The following AOX1 variants were observed in gnomAD, a reference collection of about 807,000 sequenced individuals.
AOX1 encodes aldehyde oxidase 1.
Under a neutral mutation model 169.5 loss-of-function variants are expected in AOX1, and 153 were observed. The ratio of observed to expected loss-of-function variants is 0.90; its 90% CI spans 0.79 to 1.03. The LOEUF (loss-of-function observed/expected upper bound fraction) is 1.03. Ranked by LOEUF, AOX1 falls within the 50% of genes least tolerant of loss-of-function variation. AOX1 has a pLI of 0.00. For missense variants in AOX1, 1,656 were observed against 1,663.9 expected, an observed-to-expected ratio of 1.00 and a Z score of 0.08; for synonymous variants, 562 against 581.9, an observed-to-expected ratio of 0.97 and a Z score of 0.49.
In AOX1 at chr2:200,613,023, T is replaced by TGAGA. The variant is rs1275429098; in HGVS notation, c.1448+231_1448+232insAGAG. Among the ~76,000 whole-genome samples the TGAGA allele has an allele frequency of 7.9e-4, 71 of 90,026 alleles. No homozygotes were observed. In the Middle Eastern group the frequency reaches 0.017, roughly 22 times the overall value. 59.1% of individuals were successfully genotyped at this position (90,026 alleles called of 152,430 possible). A position where few individuals can be genotyped will look rare whatever the true frequency, so the allele number is the denominator to read the frequency against. On this transcript the variant is annotated intron_variant, in intron 14 of 34. Transcript: ENST00000374700. Reference sequence around the variant, plus strand: ...GTGTGCGTGTGTGTGTGTGTGTGTGTGTGTGAGAGAGAGAGAGAGAGACAG... The same window carrying TGAGA: ...GTGTGCGTGTGTGTGTGTGTGTGTGTGAGAGTGTGAGAGAGAGAGAGAGAGACAG...
chr2:200,650,240 A>G (rs999196561), intron 25 of AOX1, among the ~76,000 whole-genome samples: 1 of 152,174 alleles, frequency 6.6e-6, no homozygotes. Flanking sequence ...CAGCCTCTTA[A>G]AAACACCACT....
At chr2:200,674,260 A>C (rs561805242), downstream of AOX1, among the ~76,000 whole-genome samples, 1 of 152,284 alleles carries the variant, frequency 6.6e-6, no homozygotes, top group African/African-American at 2.4e-5. Flanking sequence ...CCAGATATGC[A>C]GTGTTGGCAG....
chr2:200,618,533 G>T lies in AOX1; in HGVS notation c.1705-2117G>T, dbSNP rs905391563. Among the ~76,000 whole-genome samples, 6 of 152,068 alleles carry T rather than the reference G, an allele frequency of 3.9e-5. No individual in the cohort carries two copies. The South Asian group carries it at 6.2e-4, about 16-fold the overall frequency. On this transcript the variant is annotated intron_variant, in intron 16 of 34. Coordinates refer to ENST00000374700, the MANE Select transcript of AOX1 (RefSeq NM_001159.4). ...TCATTTATGTTATGAAAATAATATG[G>T]TTTTTTTATTTTCAAATCAATGTTG...
intron 27 of AOX1, among the ~76,000 whole-genome samples, chr2:200,657,185 TATA>T (rs1463614966): frequency 1.3e-5 from 1 of 74,594 alleles, no homozygotes; most frequent in Admixed American, 1.6e-4. Flanking sequence ...TATATATATA[TATA>T]TATTTTTTTT....
Position 200,609,049 on chromosome 2 carries a change from A to C in AOX1, c.973A>C (p.Lys325Gln). ...GGACATTTTGGCTGATGTAGTCCAG[A>C]AGCTTCCAGAGGAGAAGACACAGAT... ...VKDILADVVQ[K>Q]LPEEKTQMYH... Residue 325 changes from lysine (K) to glutamine (Q), a missense_variant, in exon 11 of 35, where the codon AAG becomes CAG. Transcript: ENST00000374700. The C allele has an allele frequency of 6.2e-7, 1 of 1,614,078 alleles. No homozygotes were observed. The highest frequency in any genetic ancestry group is 8.5e-7 in the Non-Finnish European group (1 of 1,179,996).
Position 200,586,088 on chromosome 2 carries a change from C to T in AOX1, c.-21C>T. On this transcript the variant is annotated 5_prime_UTR_variant, in exon 1 of 35. Transcript: ENST00000374700. ...ACCTCCGCCTCCCGCTCCGGGCCCT[C>T]GAACCAGCGCGGACACCACAATGGA... 6.4e-7 allele frequency: 1 copy of T among 1,552,484 alleles called. No homozygotes were observed. The highest frequency in any genetic ancestry group is 8.7e-7 in the Non-Finnish European group (1 of 1,149,196).
At chr2:200,657,165 A>AAAATATATATATATATAT (rs1179205121) in intron 27 of AOX1, among the ~76,000 whole-genome samples, 1 of 88,408 alleles carries the variant, frequency 1.1e-5, no homozygotes, top group African/African-American at 5.2e-5. Flanking sequence ...CTCTACCAAA[A>AAAATATATATATATATAT]ATATATATAT....
At chr2:200,656,817 A>G (rs1045086165) in intron 26 of AOX1, 25 bp from the exon 27 acceptor site, 20 of 1,460,808 alleles carry the variant, frequency 1.4e-5, no homozygotes, top group Non-Finnish European at 1.8e-5. Flanking sequence ...AGATCACAGA[A>G]ACAGTTTTCG....
Position 200,627,352 on chromosome 2 carries a change from G to C in AOX1, c.2125-1G>C, listed in dbSNP as rs763017940. ...GCCTCATTCCTCTGTTCTCTTTCTAGGAAAGTATACAACACAACTCCTCCT... is the reference window on the plus strand; with the variant it reads ...GCCTCATTCCTCTGTTCTCTTTCTACGAAAGTATACAACACAACTCCTCCT... On this transcript the variant is annotated splice_acceptor_variant, in intron 19 of 34. Transcript: ENST00000374700. LOFTEE classifies it high-confidence loss of function. The C allele has an allele frequency of 6.2e-7, 1 of 1,610,472 alleles. No homozygotes were observed.
In AOX1 at chr2:200,666,718, G is replaced by C; in HGVS notation, c.3575G>C (p.Gly1192Ala). ...AGAACAGACATTGTCATGGATGTTG[G>C]CTGCAGTATAAATCCAGCCATTGAC... ...NIRTDIVMDV[G>A]CSINPAIDIG... Residue 1192 changes from glycine (G) to alanine (A), a missense_variant, in exon 32 of 35, where the codon GGC becomes GCC. Gly to Ala is a moderately conservative substitution (Grantham distance 60, BLOSUM62 0). Coordinates refer to ENST00000374700, the MANE Select transcript of AOX1 (RefSeq NM_001159.4). 6.2e-7 allele frequency: 1 copy of C among 1,610,322 alleles called. No individual in the cohort carries two copies. Among genetic ancestry groups the C allele is most frequent in the Non-Finnish European group, 8.5e-7 (1 of 1,178,956 alleles).
At chr2:200,625,362 T>C (rs981864131) in intron 19 of AOX1, among the ~76,000 whole-genome samples, 14 of 152,232 alleles carry the variant, frequency 9.2e-5, no homozygotes, top group African/African-American at 3.4e-4. Context: ...AAATATCTAC[T>C]CTCCACTCCC....
chr2:200,657,698 C>CT (rs1559258755), intron 27 of AOX1, among the ~76,000 whole-genome samples: 2 of 152,068 alleles, frequency 1.3e-5, no homozygotes, highest in Non-Finnish European at 2.9e-5. Flanking sequence ...TACAGTCAAA[C>CT]TTTATCTGTT....
At chr2:200,631,883 G>A (rs923815353) in intron 20 of AOX1, among the ~76,000 whole-genome samples, 6 of 152,222 alleles carry the variant, frequency 3.9e-5, no homozygotes, top group African/African-American at 1.2e-4. Flanking sequence ...TTTGATAAGA[G>A]CTTAAATTGA....
In AOX1 at chr2:200,623,959, G is replaced by A. The variant is rs1332279430; in HGVS notation, c.2100G>A (p.Leu700=). Reference sequence around the variant, plus strand: ...GAGTGAAGATTGTCTATCAAGACTTGGAGCCGCTGATACTAACAATTGAGG... The same window carrying A: ...GAGTGAAGATTGTCTATCAAGACTTAGAGCCGCTGATACTAACAATTGAGG... ...AKRVKIVYQD[L]EPLILTIEES... The change falls in exon 19 of 35, where the codon TTG becomes TTA. Residue 700 remains leucine, a synonymous_variant. Coordinates refer to ENST00000374700, the MANE Select transcript of AOX1 (RefSeq NM_001159.4). 6.2e-7 allele frequency: 1 copy of A among 1,614,140 alleles called. No homozygotes were observed. The highest frequency in any genetic ancestry group is 1.1e-5 in the South Asian group (1 of 91,086).
intron 1 of AOX1, among the ~76,000 whole-genome samples, chr2:200,590,880 T>TC (rs2034156595): frequency 6.6e-6 from 1 of 152,146 alleles, no homozygotes; most frequent in South Asian, 2.1e-4. Flanking sequence ...CTCTCTTTTT[T>TC]CTCTCCTGCC....
intron 23 of AOX1, among the ~76,000 whole-genome samples, chr2:200,640,363 A>G (rs2035330404): frequency 6.6e-6 from 1 of 152,114 alleles, no homozygotes; most frequent in South Asian, 2.1e-4. Context: ...GGGTAACAGG[A>G]TAGTCTGGGG....
chr2:200,621,096 A>G, intron 17 of AOX1, 24 bp from the exon 18 acceptor site: 1 of 1,598,406 alleles, frequency 6.3e-7, no homozygotes, highest in Non-Finnish European at 8.5e-7. Context: ...CACTCTAAGG[A>G]GCTCTGCTGT....
At chr2:200,608,254 T>A (rs1574916950) in intron 10 of AOX1, among the ~76,000 whole-genome samples, 1 of 152,274 alleles carries the variant, frequency 6.6e-6, no homozygotes, top group African/African-American at 2.4e-5. Context: ...AATAGTTCAG[T>A]TTTTACTGAA....
intron 1 of AOX1, among the ~76,000 whole-genome samples, chr2:200,590,073 A>G (rs1170465540): frequency 1.3e-5 from 2 of 152,152 alleles, no homozygotes; most frequent in Admixed American, 6.5e-5. Context: ...TGCATCTCAC[A>G]GCATACACCC....
Sources: gnomAD v4.1 joint callset for allele counts (sites outside exome capture counted in the v4.1 genomes callset) on GRCh38, gnomAD v4.1.1 for gene constraint, MANE v1.5 for transcripts, NCBI Gene and HGNC (gene_info 2026-07-23, HGNC 2026-07-21) for gene names.